ULK4: variants seen among roughly 807,000 people sequenced by gnomAD.
ULK4 encodes the protein unc-51 like kinase 4.
In ULK4, 133 loss-of-function variants were observed where a neutral mutation model predicts 160.6. The observed-to-expected ratio is 0.83, with a 90% CI of 0.72 to 0.96. The LOEUF (loss-of-function observed/expected upper bound fraction) is 0.96, where lower values mean the gene tolerates loss of function less well. ULK4 is among the 40% of genes least tolerant of loss of function. ULK4 has a pLI of 0.00. For missense variants in ULK4, 1,580 were observed against 1,499.5 expected, an observed-to-expected ratio of 1.05 and a Z score of -0.89; for synonymous variants, 534 against 539.8, an observed-to-expected ratio of 0.99 and a Z score of 0.15.
chr3:41,444,857 T>A (rs1250516403), intron 34 of ULK4, among the ~76,000 whole-genome samples: 1 of 152,114 alleles, frequency 6.6e-6, no homozygotes, highest in Non-Finnish European at 1.5e-5. Flanking sequence ...AACATAGTGT[T>A]GGAAGTTCTG....
intron 12 of ULK4, among the ~76,000 whole-genome samples, chr3:41,906,216 CAAAAAAAAAA>C (rs58001920): frequency 3.0e-5 from 2 of 67,114 alleles, no homozygotes; most frequent in Non-Finnish European, 5.0e-5. Context: ...GACTCCGTCT[CAAAAAAAAAA>C]AAAAAAAAAA....
intron 18 of ULK4, among the ~76,000 whole-genome samples, chr3:41,826,892 T>A (rs1199032437): frequency 7.0e-6 from 1 of 143,156 alleles, no homozygotes; most frequent in African/African-American, 2.8e-5. Context: ...ATTCCAAAAG[T>A]GACCACATAG....
At chr3:41,636,538 G>GAAAA (rs1165084850) in intron 30 of ULK4, among the ~76,000 whole-genome samples, 1 of 114,628 alleles carries the variant, frequency 8.7e-6, no homozygotes, top group Admixed American at 8.6e-5. Flanking sequence ...TGTCTCAAAA[G>GAAAA]AAAAAAAAAA....
intron 19 of ULK4, among the ~76,000 whole-genome samples, chr3:41,811,265 T>G (rs2040815099): frequency 6.6e-6 from 1 of 152,074 alleles, no homozygotes; most frequent in African/African-American, 2.4e-5. Context: ...AGCACACTCA[T>G]AGCTCACTAC....
rs78445136 is a variant in ULK4 at position 41,614,854 on chromosome 3, C to T, written c.3120+815G>A. Among the ~76,000 whole-genome samples the T allele has an allele frequency of 3.2e-3, 486 of 152,310 alleles. 3 individuals carry two copies. The highest frequency in any genetic ancestry group is 5.1e-3 in the Non-Finnish European group (347 of 68,028). ...GGTTATCAGACTATCACAACTAATG[C>T]TCCCCTACTGATGACCAAGGTAAGT... On this transcript the variant is annotated intron_variant, in intron 31 of 36. Coordinates refer to ENST00000301831, the MANE Select transcript of ULK4 (RefSeq NM_017886.4).
chr3:41,868,736 A>T (rs1393355002), intron 17 of ULK4, among the ~76,000 whole-genome samples: 1 of 151,808 alleles, frequency 6.6e-6, no homozygotes, highest in East Asian at 1.9e-4. Flanking sequence ...ACCTCAAGTG[A>T]TCCACTCGCC....
chr3:41,403,005 C>A (rs2125819840), intron 34 of ULK4, among the ~76,000 whole-genome samples: 1 of 152,170 alleles, frequency 6.6e-6, no homozygotes, highest in East Asian at 1.9e-4. Context: ...ACAAAATTAG[C>A]CGGGCGTGGT....
At chr3:41,518,136 G>A (rs1458536306) in intron 32 of ULK4, among the ~76,000 whole-genome samples, 1 of 152,134 alleles carries the variant, frequency 6.6e-6, no homozygotes, top group Non-Finnish European at 1.5e-5. Flanking sequence ...GGAAGGGGAG[G>A]TAAATGACCT....
At chr3:41,819,550 C>T (rs370867272) in intron 18 of ULK4, 44 bp from the exon 19 acceptor site, 36 of 1,573,382 alleles carry the variant, frequency 2.3e-5, no homozygotes, top group Middle Eastern at 3.4e-4. Context: ...GCTAACAGCA[C>T]GAAAGATATT....
chr3:41,856,729 A>G (rs1165690476), intron 17 of ULK4, among the ~76,000 whole-genome samples: 1 of 150,486 alleles, frequency 6.6e-6, no homozygotes, highest in Non-Finnish European at 1.5e-5. Flanking sequence ...AACATGGTGA[A>G]ACCCCATTTC....
chr3:41,580,389 T>TAA (rs1165663919), intron 31 of ULK4, among the ~76,000 whole-genome samples: 27 of 149,914 alleles, frequency 1.8e-4, no homozygotes, highest in African/African-American at 5.5e-4. Context: ...TTTTTTTTTT[T>TAA]AAAAAAACCT....
rs760933683 is a variant in ULK4 at position 41,706,691 on chromosome 3, GGT to G, written c.2635-1388_2635-1387del. On this transcript the variant is annotated intron_variant, in intron 25 of 36. Coordinates refer to ENST00000301831, the MANE Select transcript of ULK4 (RefSeq NM_017886.4). ...AAAAATACAAAAATTAGCCAGGCAT[GGT>G]GGCACACGCCTGTAATCCCAGCTAC... Among the ~76,000 whole-genome samples, 40 of 151,292 alleles carry G rather than the reference GGT, an allele frequency of 2.6e-4. 1 individual carries two copies. Among genetic ancestry groups the G allele is most frequent in the Non-Finnish European group, 2.5e-4 (17 of 67,854 alleles).
chr3:41,833,142 T>A (rs764131679), intron 18 of ULK4, among the ~76,000 whole-genome samples: 3 of 152,256 alleles, frequency 2.0e-5, no homozygotes, highest in Non-Finnish European at 4.4e-5. Context: ...ATTTTCACAA[T>A]ATTGATTCTT....
At chr3:41,647,985 T>C (rs2034582633) in intron 30 of ULK4, among the ~76,000 whole-genome samples, 1 of 152,194 alleles carries the variant, frequency 6.6e-6, no homozygotes, top group Admixed American at 6.5e-5. Context: ...TCCGTGGGCG[T>C]AGGACCCTCC....
chr3:41,918,654 T>C lies in ULK4; in HGVS notation c.644-114A>G, dbSNP rs935202969. On this transcript the variant is annotated intron_variant, in intron 6 of 36. Coordinates refer to ENST00000301831, the MANE Select transcript of ULK4 (RefSeq NM_017886.4). ...TCTTGCTCTGTCACCCAGGCTGGAG[T>C]GCAGTGGCGCAATCTCGGCTCACTG... is the stretch of plus-strand genomic sequence containing the variant. The C allele has an allele frequency of 3.4e-5, 18 of 530,024 alleles. No homozygotes were observed. In the Admixed American group the frequency reaches 7.3e-4, roughly 22 times the overall value. The allele number at this position is 530,024 out of a possible 1,614,324, so 32.8% of individuals were successfully genotyped here.
chr3:41,650,355 C>G (rs2034689234), intron 30 of ULK4, among the ~76,000 whole-genome samples: 1 of 152,210 alleles, frequency 6.6e-6, no homozygotes, highest in Non-Finnish European at 1.5e-5. Flanking sequence ...AGCTGCAGCC[C>G]ATCAAGGAGC....
intron 30 of ULK4, among the ~76,000 whole-genome samples, chr3:41,657,835 A>AAAAAAAAAAAAAAAAAAAAAAAAAAAC (rs2035000764): frequency 7.0e-6 from 1 of 142,514 alleles, no homozygotes; most frequent in African/African-American, 2.5e-5. Context: ...AAAAAAAAAA[A>AAAAAAAAAAAAAAAAAAAAAAAAAAAC]CACACACCAC....
At chr3:41,392,110 T>C (rs1219034300) in intron 35 of ULK4, among the ~76,000 whole-genome samples, 1 of 152,110 alleles carries the variant, frequency 6.6e-6, no homozygotes, top group Non-Finnish European at 1.5e-5. Context: ...TCTACAATCA[T>C]TGCCCTGGGA....
chr3:41,366,922 C>CAG (rs1321663453), intron 35 of ULK4, among the ~76,000 whole-genome samples: 1 of 152,172 alleles, frequency 6.6e-6, no homozygotes. Context: ...ACTCTGTGCT[C>CAG]AGAGAGAACT....
Sources: allele counts gnomAD v4.1 joint callset (sites outside exome capture counted in the v4.1 genomes callset), GRCh38; gene constraint gnomAD v4.1.1; transcripts MANE v1.5; gene names NCBI Gene and HGNC (gene_info 2026-07-23, HGNC 2026-07-21).